AIG1: variants seen among roughly 807,000 people sequenced by gnomAD.
The protein encoded by AIG1 is androgen-induced gene 1 protein.
A neutral mutation model predicts 31.4 loss-of-function variants in AIG1; 23 were observed. The observed-to-expected ratio is 0.73, with a 90% CI of 0.53 to 1.04. The LOEUF is 1.04. Ranked by LOEUF, AIG1 falls within the 50% of genes least tolerant of loss-of-function variation. AIG1 has a pLI of 0.00. For missense variants in AIG1, 274 were observed against 295.0 expected, an observed-to-expected ratio of 0.93 and a Z score of 0.52; for synonymous variants, 100 against 110.5, an observed-to-expected ratio of 0.90 and a Z score of 0.60.
Position 143,138,825 on chromosome 6 carries a change from G to A in AIG1, c.297+1835G>A, listed in dbSNP as rs375058869. ...GGAGAATAGCTTGAACCTGGGAGGTGGAGGTTGCAGTGAGCTGAGATCTCA... is the reference window on the plus strand; with the variant it reads ...GGAGAATAGCTTGAACCTGGGAGGTAGAGGTTGCAGTGAGCTGAGATCTCA... On this transcript the variant is annotated intron_variant, in intron 2 of 5. Coordinates refer to ENST00000357847, the MANE Select transcript of AIG1 (RefSeq NM_016108.4). 4.0e-5 allele frequency among the ~76,000 whole-genome samples: 6 copies of A among 151,544 alleles called. No homozygotes were observed. In the East Asian group the frequency reaches 9.7e-4, roughly 25 times the overall value.
rs530810193 is a variant in AIG1 at position 143,329,471 on chromosome 6, T to A, written c.516-3811T>A. On this transcript the variant is annotated intron_variant, in intron 4 of 5. Transcript: ENST00000357847. The surrounding 1 kb of genome is among the most constrained non-coding windows in gnomAD (Gnocchi z 4.9). ...GGTTGCAAACCTGAGAATTTCACAT[T>A]ACATTAGCAGCTCTGACATAGTCTC... Among the ~76,000 whole-genome samples, 1 of 152,196 alleles carries A rather than the reference T, an allele frequency of 6.6e-6. No individual in the cohort carries two copies. The highest frequency in any genetic ancestry group is 2.4e-5 in the African/African-American group (1 of 41,454).
chr6:143,072,816 T>G (rs1777412877), intron 1 of AIG1, among the ~76,000 whole-genome samples: 1 of 152,240 alleles, frequency 6.6e-6, no homozygotes. Context: ...AAAAGATTAC[T>G]GTATTGAGGC....
chr6:143,303,578 G>A, intron 4 of AIG1, among the ~76,000 whole-genome samples: 1 of 151,770 alleles, frequency 6.6e-6, no homozygotes, highest in East Asian at 1.9e-4. Flanking sequence ...CTGTTCCATT[G>A]ATCTATATCT....
chr6:143,308,229 G>C (rs1465560074), intron 4 of AIG1, among the ~76,000 whole-genome samples: 1 of 152,216 alleles, frequency 6.6e-6, no homozygotes, highest in Non-Finnish European at 1.5e-5. Flanking sequence ...TGTGCCCACT[G>C]TCTGGCACTC....
At chr6:143,153,624 G>A (rs1187762851) in intron 2 of AIG1, among the ~76,000 whole-genome samples, 3 of 152,172 alleles carry the variant, frequency 2.0e-5, no homozygotes, top group Admixed American at 2.0e-4. Context: ...TGGGATTACA[G>A]GCGTGAGCCA....
At position 143,144,390 on chromosome 6, in the gene AIG1, T is replaced by C. The variant is rs546111173; in HGVS notation, c.297+7400T>C. ...GGTTTCACAGCCTAGGGAGGGTGGC[T>C]TTATAAGCTATATCAATAAGTAAAT... is the stretch of plus-strand genomic sequence containing the variant. On this transcript the variant is annotated intron_variant, in intron 2 of 5. Transcript: ENST00000357847. Among the ~76,000 whole-genome samples the C allele has an allele frequency of 1.2e-4, 18 of 152,320 alleles. No individual in the cohort carries two copies. The South Asian group carries it at 3.5e-3, about 30-fold the overall frequency.
chr6:143,220,991 ATTGTTGTTG>A (rs200697142), intron 3 of AIG1, among the ~76,000 whole-genome samples: 6 of 151,692 alleles, frequency 4.0e-5, no homozygotes, highest in East Asian at 1.9e-4. Flanking sequence ...ACTAGTTTTT[ATTGTTGTTG>A]TTGTTGTTGT....
chr6:143,087,542 G>A (rs1308810087), intron 1 of AIG1, among the ~76,000 whole-genome samples: 2 of 152,224 alleles, frequency 1.3e-5, no homozygotes, highest in African/African-American at 2.4e-5. Context: ...CCAGAGGGAT[G>A]GAAGTCAGCG....
chr6:143,172,324 A>C (rs1335913596), intron 3 of AIG1, among the ~76,000 whole-genome samples: 1 of 152,298 alleles, frequency 6.6e-6, no homozygotes, highest in African/African-American at 2.4e-5. Context: ...TGAGATGATC[A>C]TGTAATTATT....
rs574222098 is a variant in AIG1 at position 143,278,798 on chromosome 6, A to G, written c.400-5312A>G. Among the ~76,000 whole-genome samples, 5 of 152,260 alleles carry G rather than the reference A, an allele frequency of 3.3e-5. No individual in the cohort carries two copies. The South Asian group carries it at 6.2e-4, about 19-fold the overall frequency. ...GCCAGTATATCTTTAGTGCCCCTCTATACTTACTAATGTCCTTATTTAACA... is the reference window on the plus strand; with the variant it reads ...GCCAGTATATCTTTAGTGCCCCTCTGTACTTACTAATGTCCTTATTTAACA... On this transcript the variant is annotated intron_variant, in intron 3 of 5. Coordinates refer to ENST00000357847, the MANE Select transcript of AIG1 (RefSeq NM_016108.4).
chr6:143,215,964 T>C (rs564580067), intron 3 of AIG1, among the ~76,000 whole-genome samples: 1 of 152,288 alleles, frequency 6.6e-6, no homozygotes, highest in South Asian at 2.1e-4. Context: ...GTGACTATGT[T>C]AGAATAAAAT....
intron 1 of AIG1, among the ~76,000 whole-genome samples, chr6:143,125,511 G>C (rs1331433851): frequency 6.6e-6 from 1 of 152,324 alleles, no homozygotes; most frequent in East Asian, 1.9e-4. Flanking sequence ...CTTTAAGCTT[G>C]TAAGATTTTT....
At chr6:143,207,200 A>C (rs1791180285) in intron 3 of AIG1, among the ~76,000 whole-genome samples, 1 of 152,142 alleles carries the variant, frequency 6.6e-6, no homozygotes, top group Admixed American at 6.6e-5. Context: ...CTTAGATTCC[A>C]TTCCATGAGT....
intron 1 of AIG1, among the ~76,000 whole-genome samples, chr6:143,087,168 A>G (rs760968591): frequency 2.0e-5 from 3 of 152,136 alleles, no homozygotes; most frequent in Admixed American, 1.3e-4. Context: ...GTCTCATATT[A>G]CTCACCTCTT....
chr6:143,085,553 A>G lies in AIG1; in HGVS notation c.141+24487A>G, dbSNP rs189171609. Among the ~76,000 whole-genome samples the G allele has an allele frequency of 2.1e-4, 32 of 152,214 alleles. 1 individual carries two copies. The highest frequency in any genetic ancestry group is 1.7e-3 in the Admixed American group (26 of 15,286). On this transcript the variant is annotated intron_variant, in intron 1 of 5. Coordinates refer to ENST00000357847, the MANE Select transcript of AIG1 (RefSeq NM_016108.4). ...CTGGGTTCCTGAGTATTTCATAGCAACCCAGCTGCTCCATCAAGATGCATT... is the reference window on the plus strand; with the variant it reads ...CTGGGTTCCTGAGTATTTCATAGCAGCCCAGCTGCTCCATCAAGATGCATT...
chr6:143,187,747 T>C (rs1789400917), intron 3 of AIG1: 1 of 1,535,266 alleles, frequency 6.5e-7, no homozygotes, highest in African/African-American at 1.4e-5. Flanking sequence ...CCTGGTGCCA[T>C]GCATGCTGCT....
chr6:143,284,218 A>G lies in AIG1; in HGVS notation c.508A>G (p.Ile170Val), dbSNP rs746255348. 26 of 1,609,286 alleles carry G rather than the reference A, an allele frequency of 1.6e-5. No homozygotes were observed. The highest frequency in any genetic ancestry group is 2.7e-5 in the African/African-American group (2 of 74,826). Residue 170 changes from isoleucine (I) to valine (V), a missense_variant, in exon 4 of 6, where the codon ATA becomes GTA. By Grantham distance (29) the Ile-to-Val change is conservative (BLOSUM62 3). This residue lies in a region of AIG1 where 243 missense variants were observed against 238.5 expected (regional missense o/e 1.02). Transcript: ENST00000357847. The surrounding 1 kb of genome is among the most constrained non-coding windows in gnomAD (Gnocchi z 4.4). The stretch of plus-strand genomic sequence containing the variant: ...CATATGTACCTTCTCTGTTGGCTAT[A>G]TATTATGGTAAGGACCATGCCTGCT... ...TAICTFSVGYILWVCWVHHVT... is the reference protein window; with the variant it reads ...TAICTFSVGYVLWVCWVHHVT...
chr6:143,113,754 G>C (rs1781493256), intron 1 of AIG1, among the ~76,000 whole-genome samples: 1 of 152,000 alleles, frequency 6.6e-6, no homozygotes, highest in Non-Finnish European at 1.5e-5. Context: ...TCTTAACCTA[G>C]TCCATGTTTA....
intron 1 of AIG1, among the ~76,000 whole-genome samples, chr6:143,117,002 C>T (rs1220924527): frequency 5.3e-5 from 8 of 152,214 alleles, no homozygotes; most frequent in Middle Eastern, 6.8e-3. Flanking sequence ...TCGCCATTCC[C>T]GGATTCCCTA....
Sources: allele counts gnomAD v4.1 joint callset (sites outside exome capture counted in the v4.1 genomes callset), GRCh38; gene constraint gnomAD v4.1.1; regional missense constraint gnomAD v4.1.1; non-coding constraint Gnocchi (gnomAD v3.1); transcripts MANE v1.5; gene names NCBI Gene and HGNC (gene_info 2026-07-23, HGNC 2026-07-21).